SLC9A7: variants seen among roughly 807,000 people sequenced by gnomAD.
SLC9A7 encodes the protein sodium/hydrogen exchanger 7.
Under a neutral mutation model 52.6 loss-of-function variants are expected in SLC9A7, and 19 were observed. That is an observed-to-expected ratio of 0.36 (90% CI 0.25 to 0.53). The LOEUF (loss-of-function observed/expected upper bound fraction) is 0.53. Ranked by LOEUF, SLC9A7 falls within the 20% of genes least tolerant of loss-of-function variation. The probability of loss-of-function intolerance (pLI) is 0.91; values close to 1 mark genes in which losing one functional copy is unlikely to be tolerated. For missense variants in SLC9A7, 455 were observed against 597.9 expected (o/e 0.76, Z 2.49); for synonymous variants, 226 against 252.1 (o/e 0.90, Z 0.98).
chrX:46,689,864 T>C (rs1005742160), intron 1 of SLC9A7, among the ~76,000 whole-genome samples: 1 of 110,962 alleles, frequency 9.0e-6, no homozygotes, highest in Admixed American at 9.6e-5. Context: ...AATGAGAACA[T>C]GCGGTATTTG....
intron 14 of SLC9A7, among the ~76,000 whole-genome samples, chrX:46,628,144 T>C (rs1163253332): frequency 8.9e-6 from 1 of 112,159 alleles, no homozygotes; most frequent in African/African-American, 3.2e-5. Context: ...AGATTCACAC[T>C]CTTAGCTGCT....
At chrX:46,686,277 G>GT (rs1457997891) in intron 1 of SLC9A7, among the ~76,000 whole-genome samples, 21 of 111,965 alleles carry the variant, frequency 1.9e-4, no homozygotes, top group African/African-American at 6.5e-4. Context: ...CAGCAGAGAT[G>GT]TAAGGTTAAC....
At chrX:46,668,432 C>T (rs917907813) in intron 5 of SLC9A7, among the ~76,000 whole-genome samples, 8 of 110,812 alleles carry the variant, frequency 7.2e-5, no homozygotes, top group Non-Finnish European at 1.1e-4. Context: ...GAGGCAGAGG[C>T]GGAGGCAGAG....
intron 1 of SLC9A7, among the ~76,000 whole-genome samples, chrX:46,729,227 A>C (rs1415163301): frequency 1.8e-5 from 2 of 112,557 alleles, no homozygotes; most frequent in Non-Finnish European, 3.8e-5. Flanking sequence ...TGCAATAATT[A>C]AATAACTTAA....
At chrX:46,613,232 G>A in intron 16 of SLC9A7, 57 bp downstream of exon 16, 1 of 890,677 alleles carries the variant, frequency 1.1e-6, no homozygotes, top group Non-Finnish European at 1.6e-6. Flanking sequence ...TTCTTCCTAC[G>A]TAAGACACTA....
At chrX:46,641,844 C>T (rs1347003579) in intron 12 of SLC9A7, among the ~76,000 whole-genome samples, 1 of 112,001 alleles carries the variant, frequency 8.9e-6, no homozygotes, top group African/African-American at 3.3e-5. Flanking sequence ...GCCTCAGTTT[C>T]CCCAACTCTA....
intron 1 of SLC9A7, among the ~76,000 whole-genome samples, chrX:46,752,618 T>C (rs1055558709): frequency 1.8e-5 from 2 of 111,143 alleles, no homozygotes; most frequent in Non-Finnish European, 3.8e-5. Context: ...TCTAAGTCCT[T>C]GATTTGATTC....
chrX:46,699,905 C>T (rs1009249554), intron 1 of SLC9A7, among the ~76,000 whole-genome samples: 1 of 110,859 alleles, frequency 9.0e-6, no homozygotes, highest in African/African-American at 3.3e-5. Context: ...TGCTTGAGCC[C>T]AGAAGTTTTA....
At chrX:46,704,731 A>T (rs1403134296) in intron 1 of SLC9A7, among the ~76,000 whole-genome samples, 2 of 111,963 alleles carry the variant, frequency 1.8e-5, no homozygotes, top group Non-Finnish European at 3.8e-5. Context: ...TCCTCCTAAG[A>T]GTTGTACCCA....
At chrX:46,747,936 T>C (rs1316517658) in intron 1 of SLC9A7, among the ~76,000 whole-genome samples, 1 of 111,466 alleles carries the variant, frequency 9.0e-6, no homozygotes, top group Non-Finnish European at 1.9e-5. Context: ...TGCATTGTGG[T>C]GGGAATACAA....
chrX:46,679,402 T>C (rs1299996878), intron 3 of SLC9A7, among the ~76,000 whole-genome samples: 1 of 112,564 alleles, frequency 8.9e-6, no homozygotes, highest in African/African-American at 3.2e-5. Context: ...GGAGTGAAAC[T>C]GTGGGTCATA....
At chrX:46,612,532 A>G (rs1942869122) in intron 16 of SLC9A7, among the ~76,000 whole-genome samples, 1 of 112,070 alleles carries the variant, frequency 8.9e-6, no homozygotes, top group African/African-American at 3.2e-5. Context: ...CTATTTAGAA[A>G]AGGAATCCTT....
chrX:46,721,841 A>T (rs1184141931), intron 1 of SLC9A7, among the ~76,000 whole-genome samples: 1 of 112,259 alleles, frequency 8.9e-6, no homozygotes, highest in Non-Finnish European at 1.9e-5. Flanking sequence ...AGAAAAGATG[A>T]TTACGTATTG....
intron 1 of SLC9A7, among the ~76,000 whole-genome samples, chrX:46,710,296 G>C (rs1170372628): frequency 8.9e-6 from 1 of 111,898 alleles, no homozygotes; most frequent in African/African-American, 3.3e-5. Context: ...AAGACAGAAG[G>C]ACTGCCATGT....
intron 1 of SLC9A7, among the ~76,000 whole-genome samples, chrX:46,726,400 C>T (rs1265757322): frequency 8.9e-6 from 1 of 112,191 alleles, no homozygotes; most frequent in African/African-American, 3.2e-5. Flanking sequence ...TCAGACCTCT[C>T]ACCAGAGCTA....
intron 2 of SLC9A7, among the ~76,000 whole-genome samples, chrX:46,682,091 A>T (rs1311130738): frequency 8.9e-6 from 1 of 111,922 alleles, no homozygotes; most frequent in Non-Finnish European, 1.9e-5. Context: ...CCATTGCACA[A>T]TCAGTGGCCC....
chrX:46,692,582 T>C (rs1944395755), intron 1 of SLC9A7, among the ~76,000 whole-genome samples: 1 of 111,728 alleles, frequency 9.0e-6, no homozygotes, highest in African/African-American at 3.2e-5. Context: ...AGACAGGTCT[T>C]ATACTGTGGT....
chrX:46,714,590 C>T (rs755684674), intron 1 of SLC9A7, among the ~76,000 whole-genome samples: 6 of 111,216 alleles, frequency 5.4e-5, no homozygotes, highest in African/African-American at 1.3e-4. Flanking sequence ...TTGAGATCCC[C>T]GACAAATATT....
intron 7 of SLC9A7, among the ~76,000 whole-genome samples, chrX:46,655,940 C>T (rs990687704): frequency 7.1e-5 from 8 of 112,330 alleles, no homozygotes; most frequent in African/African-American, 2.6e-4. Context: ...AACAAAAAGA[C>T]AGCAGTAACC....
Sources: allele counts gnomAD v4.1 joint callset (sites outside exome capture counted in the v4.1 genomes callset), GRCh38; gene constraint gnomAD v4.1.1; transcripts MANE v1.5; gene names NCBI Gene and HGNC (gene_info 2026-07-23, HGNC 2026-07-21).